Variants in KLHL6 observed in about 807,000 individuals in gnomAD.
KLHL6 encodes the protein kelch like family member 6, also known as kelch-like protein 6.
KLHL6 carries 41 observed loss-of-function variants against 58.6 expected under a neutral mutation model. That is an observed-to-expected ratio of 0.70 (90% confidence interval 0.55 to 0.91). The LOEUF (loss-of-function observed/expected upper bound fraction) is 0.91, where lower values mean the gene tolerates loss of function less well. Ranked by LOEUF, KLHL6 falls within the 40% of genes least tolerant of loss-of-function variation. KLHL6 has a pLI of 0.00. For synonymous variants in KLHL6, 338 were observed against 322.7 expected, an observed-to-expected ratio of 1.05 and a Z score of -0.51; for missense variants, 714 against 805.6, an observed-to-expected ratio of 0.89 and a Z score of 1.38.
rs140265439 is a variant in KLHL6 at position 183,491,938 on chromosome 3, C to T, written c.1855G>A (p.Val619Met). The T allele has an allele frequency of 1.1e-4, 158 of 1,495,862 alleles. 1 individual carries two copies. The East Asian group carries it at 1.5e-3, about 14-fold the overall frequency. 92.7% of individuals were successfully genotyped at this position (1,495,862 alleles called of 1,614,324 possible). A position where few individuals can be genotyped will look rare whatever the true frequency, so the allele number is the denominator to read the frequency against. Residue 619 changes from valine (V) to methionine (M), a missense_variant, in exon 7 of 7, where the codon GTG becomes ATG. Physicochemically the swap from Val to Met is conservative, Grantham distance 21 (BLOSUM62 1). Coordinates refer to ENST00000341319, the MANE Select transcript of KLHL6 (RefSeq NM_130446.4). ...THIRRIVPGA[V>M]SV ...TCCCCATCCTGCCGTCAGACAGACACTGCTCCGGGCACGATCCTGCGGATG... is the reference window on the plus strand; with the variant it reads ...TCCCCATCCTGCCGTCAGACAGACATTGCTCCGGGCACGATCCTGCGGATG...
At chr3:183,542,057 T>C (rs1318985590) in intron 1 of KLHL6, among the ~76,000 whole-genome samples, 1 of 152,080 alleles carries the variant, frequency 6.6e-6, no homozygotes, top group Admixed American at 6.5e-5. Flanking sequence ...CTCTCTGTGG[T>C]CCGGCTGCCC....
In KLHL6 at chr3:183,490,794, CAA is replaced by C. The variant is rs59577322; in HGVS notation, c.*1131_*1132del. On this transcript the variant is annotated 3_prime_UTR_variant, in exon 7 of 7. Coordinates refer to ENST00000341319, the MANE Select transcript of KLHL6 (RefSeq NM_130446.4). ...CACTCCAGCCTGGGCGACTTCATCT[CAA>C]AAAAAAAAAAAAGAGGGTTTCAATG... 67 of 139,562 alleles carry C rather than the reference CAA, an allele frequency of 4.8e-4. 1 individual carries two copies. Among genetic ancestry groups the C allele is most frequent in the African/African-American group, 8.8e-4 (34 of 38,464 alleles). 8.6% of individuals were successfully genotyped at this position (139,562 alleles called of 1,614,324 possible). A position where few individuals can be genotyped will look rare whatever the true frequency, so the allele number is the denominator to read the frequency against.
intron 2 of KLHL6, among the ~76,000 whole-genome samples, chr3:183,524,738 C>T (rs1244685222): frequency 1.3e-5 from 2 of 152,170 alleles, no homozygotes; most frequent in Admixed American, 6.6e-5. Context: ...CTGAGTCACA[C>T]CAATGGTGAA....
intron 1 of KLHL6, among the ~76,000 whole-genome samples, chr3:183,544,093 G>A (rs1406673889): frequency 1.3e-5 from 2 of 148,474 alleles, no homozygotes; most frequent in East Asian, 2.1e-4. Context: ...AACCTGGGAG[G>A]TAGAGTTTGC....
At chr3:183,505,342 G>A (rs1717973068) in intron 3 of KLHL6, among the ~76,000 whole-genome samples, 1 of 152,162 alleles carries the variant, frequency 6.6e-6, no homozygotes, top group East Asian at 1.9e-4. Context: ...GGATTTATTT[G>A]CAAAAAATGA....
rs1553811031 is a variant in KLHL6, at chr3:183,525,269, A to ACACACACACACACACACAC, written c.459+2575_459+2576insGTGTGTGTGTGTGTGTGTG. Reference sequence around the variant, plus strand: ...ACAGAGTGAGACTCTCTAAAAAAAAAACACACACACACACACACACACACA... The same window carrying ACACACACACACACACACAC: ...ACAGAGTGAGACTCTCTAAAAAAAAACACACACACACACACACACACACACACACACACACACACACACA... On this transcript the variant is annotated intron_variant, in intron 2 of 6. Coordinates refer to ENST00000341319, the MANE Select transcript of KLHL6 (RefSeq NM_130446.4). Among the ~76,000 whole-genome samples, 333 of 133,840 alleles carry ACACACACACACACACACAC rather than the reference A, an allele frequency of 2.5e-3. 3 individuals carry two copies. Among genetic ancestry groups the ACACACACACACACACACAC allele is most frequent in the Non-Finnish European group, 2.3e-3 (143 of 61,918 alleles). The allele number at this position is 133,840 out of a possible 152,430, so 87.8% of individuals were successfully genotyped here.
In KLHL6 at chr3:183,497,337, G is replaced by A. The variant is rs529474168; in HGVS notation, c.1147+2253C>T. Among the ~76,000 whole-genome samples, 5 of 152,262 alleles carry A rather than the reference G, an allele frequency of 3.3e-5. No homozygotes were observed. In the South Asian group the frequency reaches 1.0e-3, roughly 32 times the overall value. Reference sequence around the variant, plus strand: ...TGAGGCAGGAGAATTGCTTGAACCTGGGAGGCAGAGGTTGCAGTGAGCCGA... The same window carrying A: ...TGAGGCAGGAGAATTGCTTGAACCTAGGAGGCAGAGGTTGCAGTGAGCCGA... On this transcript the variant is annotated intron_variant, in intron 4 of 6. Transcript: ENST00000341319.
At chr3:183,552,805 T>G (rs1247479124) in intron 1 of KLHL6, among the ~76,000 whole-genome samples, 1 of 151,900 alleles carries the variant, frequency 6.6e-6, no homozygotes, top group African/African-American at 2.4e-5. Flanking sequence ...AAGAACCCCT[T>G]TCAAAACCTC....
chr3:183,522,546 G>C (rs1711803157), intron 2 of KLHL6: 1 of 152,212 alleles, frequency 6.6e-6, no homozygotes, highest in Non-Finnish European at 1.5e-5. Flanking sequence ...TAGATTGACT[G>C]GCTTCTATGG....
chr3:183,533,522 C>T (rs542226509), intron 1 of KLHL6, among the ~76,000 whole-genome samples: 147 of 151,952 alleles, frequency 9.7e-4, no homozygotes, highest in African/African-American at 3.4e-3. Flanking sequence ...CCTCCTTCCT[C>T]AGCTTCCCAA....
Position 183,555,588 on chromosome 3 carries a change from C to A in KLHL6, c.66G>T (p.Gly22=), listed in dbSNP as rs762467856. ...MGDVVEKSLE[G]PLAPSTDEPS... ...GCTCATCTGTAGAAGGTGCCAGGGG[C>A]CCTTCCAAACTCTTCTCGACCACAT... is the stretch of plus-strand genomic sequence containing the variant. The change falls in exon 1 of 7, where the codon GGG becomes GGT. Residue 22 remains glycine (G), a synonymous_variant. Transcript: ENST00000341319. 7.4e-6 allele frequency: 12 copies of A among 1,613,918 alleles called. 2 individuals carry two copies. In the South Asian group the frequency reaches 1.2e-4, roughly 16 times the overall value.
chr3:183,491,360 GC>G lies in KLHL6; in HGVS notation c.*566del, dbSNP rs527628239. The G allele has an allele frequency of 2.6e-5, 4 of 152,436 alleles. No homozygotes were observed. The highest frequency in any genetic ancestry group is 9.6e-5 in the African/African-American group (4 of 41,566). The allele number at this position is 152,436 out of a possible 1,614,324, so 9.4% of individuals were successfully genotyped here. On this transcript the variant is annotated 3_prime_UTR_variant, in exon 7 of 7. Transcript: ENST00000341319. ...ACTCCTGACCTCAGGTCATCCGCCC[GC>G]CTCAGCCTCCCATAGGGCTGGGATT...
At chr3:183,498,719 A>G (rs1717781613) in intron 4 of KLHL6, among the ~76,000 whole-genome samples, 1 of 152,226 alleles carries the variant, frequency 6.6e-6, no homozygotes, top group African/African-American at 2.4e-5. Flanking sequence ...ATTTACCCCG[A>G]GGTCAGGCAC....
rs1453857611 is a variant in KLHL6, at chr3:183,492,476, T to C, written c.1564+18A>G. On this transcript the variant is annotated intron_variant, in intron 6 of 6. Transcript: ENST00000341319. The surrounding 1 kb of genome is among the most constrained non-coding windows in gnomAD (Gnocchi z 5.9). ...TCAGGTTCTAAGCCATTCAGACCAA[T>C]AAGAAGCCATTACTCACCAACGACA... is the stretch of plus-strand genomic sequence containing the variant. The C allele has an allele frequency of 1.2e-6, 2 of 1,613,414 alleles. No individual in the cohort carries two copies. The highest frequency in any genetic ancestry group is 1.7e-6 in the Non-Finnish European group (2 of 1,179,402).
At position 183,555,447 on chromosome 3, in the gene KLHL6, G is replaced by A. The variant is rs766925288; in HGVS notation, c.207C>T (p.Asn69=). The change falls in exon 1 of 7, where the codon AAC becomes AAT. Residue 69 remains asparagine, a synonymous_variant. Transcript: ENST00000341319. ...CACACAAGATGACATCTGTCAGAGCGTTTTCCATTCGCAGGGTTTCCAGGC... is the reference window on the plus strand; with the variant it reads ...CACACAAGATGACATCTGTCAGAGCATTTTCCATTCGCAGGGTTTCCAGGC... ...QNGLETLRME[N]ALTDVILCVD... The A allele has an allele frequency of 5.6e-6, 9 of 1,613,970 alleles. No individual in the cohort carries two copies. Among genetic ancestry groups the A allele is most frequent in the East Asian group, 2.2e-5 (1 of 44,892 alleles).
chr3:183,530,024 C>CCCA (rs1174863925), intron 1 of KLHL6, among the ~76,000 whole-genome samples: 1 of 152,070 alleles, frequency 6.6e-6, no homozygotes, highest in African/African-American at 2.4e-5. Flanking sequence ...TTCACCAGAA[C>CCCA]CCACCCATGC....
At chr3:183,509,010 G>C (rs991101229) in intron 2 of KLHL6, among the ~76,000 whole-genome samples, 1 of 152,118 alleles carries the variant, frequency 6.6e-6, no homozygotes, top group Non-Finnish European at 1.5e-5. Context: ...TGCTAAAGAC[G>C]TCATGGGAAC....
intron 2 of KLHL6, among the ~76,000 whole-genome samples, chr3:183,518,701 G>A (rs1407830266): frequency 1.3e-5 from 2 of 152,152 alleles, no homozygotes; most frequent in African/African-American, 4.8e-5. Context: ...TAGAGAAGTG[G>A]TTTTGAAAGA....
intron 2 of KLHL6, among the ~76,000 whole-genome samples, chr3:183,519,099 T>C (rs948778694): frequency 1.3e-5 from 2 of 151,054 alleles, no homozygotes; most frequent in Non-Finnish European, 3.0e-5. Flanking sequence ...GAGATGAGAG[T>C]GTATTGTTTC....
Sources: allele counts gnomAD v4.1 joint callset (sites outside exome capture counted in the v4.1 genomes callset), GRCh38; gene constraint gnomAD v4.1.1; non-coding constraint Gnocchi (gnomAD v3.1); transcripts MANE v1.5; gene names NCBI Gene and HGNC (gene_info 2026-07-23, HGNC 2026-07-21).